Variants in CDK14 observed in about 807,000 individuals in gnomAD.
The protein encoded by CDK14 is cyclin dependent kinase 14.
A neutral mutation model predicts 60.7 loss-of-function variants in CDK14; 34 were observed. The ratio of observed to expected loss-of-function variants is 0.56; its 90% CI spans 0.43 to 0.75. The LOEUF (loss-of-function observed/expected upper bound fraction) is 0.75, where lower values mean the gene tolerates loss of function less well. CDK14 is among the 30% of genes least tolerant of loss of function. The pLI is 0.00. For synonymous variants in CDK14, 197 were observed against 203.7 expected, an observed-to-expected ratio of 0.97 and a Z score of 0.28; for missense variants, 482 against 564.1, an observed-to-expected ratio of 0.85 and a Z score of 1.47.
In CDK14 at chr7:90,709,078, G is replaced by T. The variant is rs118116263; in HGVS notation, c.124-17489G>T. Among the ~76,000 whole-genome samples, 273 of 151,702 alleles carry T rather than the reference G, an allele frequency of 1.8e-3. 6 individuals are homozygous for T. The East Asian group carries it at 0.022, about 12-fold the overall frequency. On this transcript the variant is annotated intron_variant, in intron 2 of 14. Coordinates refer to ENST00000380050, the MANE Select transcript of CDK14 (RefSeq NM_001287135.2). ...TTTTTCAGAATGGTATGAGCTCTAA[G>T]TCCACCAAAAATTCTGCAAGCTCAT... is the stretch of plus-strand genomic sequence containing the variant.
At chr7:91,118,616 T>A (rs1480667621) in intron 14 of CDK14, among the ~76,000 whole-genome samples, 3 of 152,236 alleles carry the variant, frequency 2.0e-5, no homozygotes, top group Non-Finnish European at 4.4e-5. Flanking sequence ...AAATCTAGAT[T>A]TCTGGTTTTC....
chr7:90,985,701 A>G (rs904882898), intron 10 of CDK14, among the ~76,000 whole-genome samples: 1 of 152,138 alleles, frequency 6.6e-6, no homozygotes, highest in Non-Finnish European at 1.5e-5. Context: ...AAACTAGGAA[A>G]TTAAAGCACA....
chr7:90,989,500 A>G (rs1430196364), intron 10 of CDK14, among the ~76,000 whole-genome samples: 1 of 151,836 alleles, frequency 6.6e-6, no homozygotes, highest in African/African-American at 2.4e-5. Flanking sequence ...AGGTACAATG[A>G]AGACATAAAA....
At chr7:90,647,742 A>G (rs531880464) in intron 2 of CDK14, among the ~76,000 whole-genome samples, 4 of 152,202 alleles carry the variant, frequency 2.6e-5, no homozygotes, top group East Asian at 3.9e-4. Flanking sequence ...TGTAATCCCA[A>G]TTACTTGGGA....
At chr7:90,666,224 T>C (rs1400455694) in intron 2 of CDK14, 1 of 152,250 alleles carries the variant, frequency 6.6e-6, no homozygotes, top group Non-Finnish European at 1.5e-5. Context: ...ACTTCTTGTT[T>C]TGTTTCCAGG....
chr7:90,786,120 G>T (rs1805572173), intron 4 of CDK14, among the ~76,000 whole-genome samples: 1 of 152,144 alleles, frequency 6.6e-6, no homozygotes, highest in East Asian at 1.9e-4. Context: ...GCTAAGCTGG[G>T]AATGACAGTT....
intron 8 of CDK14, among the ~76,000 whole-genome samples, chr7:90,939,725 T>G (rs1452129112): frequency 6.6e-6 from 1 of 152,252 alleles, no homozygotes; most frequent in Admixed American, 6.5e-5. Context: ...AAGGAAGATT[T>G]TAGTTTTTAA....
intron 12 of CDK14, among the ~76,000 whole-genome samples, chr7:91,099,808 T>C (rs1799103442): frequency 6.6e-6 from 1 of 152,158 alleles, no homozygotes; most frequent in African/African-American, 2.4e-5. Flanking sequence ...AGATAGGCTA[T>C]AACTGTAAAT....
chr7:90,748,905 A>C (rs1225744988), intron 4 of CDK14, among the ~76,000 whole-genome samples: 1 of 152,154 alleles, frequency 6.6e-6, no homozygotes, highest in East Asian at 1.9e-4. Context: ...GAATATTGTA[A>C]CTTAAGTAAT....
intron 4 of CDK14, among the ~76,000 whole-genome samples, chr7:90,773,214 TAA>T (rs1022019085): frequency 5.9e-5 from 9 of 152,210 alleles, no homozygotes; most frequent in African/African-American, 2.2e-4. Flanking sequence ...AGGAGTAGTA[TAA>T]GAGTGTGGAC....
chr7:90,931,826 G>C (rs1032759982), intron 8 of CDK14, among the ~76,000 whole-genome samples: 8 of 151,856 alleles, frequency 5.3e-5, no homozygotes, highest in African/African-American at 1.9e-4. Flanking sequence ...TTATTGTTTT[G>C]GGTCTTAGAG....
At chr7:91,197,169 G>A (rs1802569445) in intron 14 of CDK14, among the ~76,000 whole-genome samples, 1 of 152,142 alleles carries the variant, frequency 6.6e-6, no homozygotes, top group African/African-American at 2.4e-5. Flanking sequence ...GGAGGCCAAG[G>A]TGGGTGGATC....
chr7:91,137,636 A>G (rs1288316516), intron 14 of CDK14, among the ~76,000 whole-genome samples: 1 of 151,840 alleles, frequency 6.6e-6, no homozygotes, highest in Non-Finnish European at 1.5e-5. Flanking sequence ...ACGCACACAC[A>G]CACTCACACC....
chr7:91,110,018 T>G (rs1222492774), intron 12 of CDK14, among the ~76,000 whole-genome samples: 1 of 151,994 alleles, frequency 6.6e-6, no homozygotes, highest in African/African-American at 2.4e-5. Context: ...AATGGGAGAT[T>G]GAGAACCACC....
intron 4 of CDK14, among the ~76,000 whole-genome samples, chr7:90,770,747 G>C (rs1804752863): frequency 6.6e-6 from 1 of 152,138 alleles, no homozygotes; most frequent in South Asian, 2.1e-4. Context: ...TCACGCTTAA[G>C]TGACTTGTGT....
chr7:90,715,100 GA>G (rs1802199950), intron 2 of CDK14, among the ~76,000 whole-genome samples: 1 of 151,952 alleles, frequency 6.6e-6, no homozygotes, highest in Admixed American at 6.6e-5. Context: ...GCACCTTCTG[GA>G]TGCTGTATTT....
At chr7:91,061,306 C>CT (rs1273009651) in intron 11 of CDK14, among the ~76,000 whole-genome samples, 3 of 152,102 alleles carry the variant, frequency 2.0e-5, no homozygotes, top group Non-Finnish European at 4.4e-5. Flanking sequence ...TTCATCTAAT[C>CT]TTTTTTCAAG....
At chr7:91,054,232 T>A (rs2116069197) in intron 11 of CDK14, among the ~76,000 whole-genome samples, 1 of 152,158 alleles carries the variant, frequency 6.6e-6, no homozygotes, top group South Asian at 2.1e-4. Flanking sequence ...ATGGGTTAGG[T>A]CTAGGTGTAT....
chr7:90,907,053 T>C (rs1461476850), intron 7 of CDK14, among the ~76,000 whole-genome samples: 3 of 152,224 alleles, frequency 2.0e-5, no homozygotes, highest in African/African-American at 7.2e-5. Flanking sequence ...TTTGACAAAG[T>C]AATTTTAGCA....
Sources: gnomAD v4.1 joint callset for allele counts (sites outside exome capture counted in the v4.1 genomes callset) on GRCh38, gnomAD v4.1.1 for gene constraint, MANE v1.5 for transcripts, NCBI Gene and HGNC (gene_info 2026-07-23, HGNC 2026-07-21) for gene names.